Variants in ST6GALNAC5 observed in about 807,000 individuals in gnomAD.
The protein encoded by ST6GALNAC5 is ST6 N-acetylgalactosaminide alpha-2,6-sialyltransferase 5.
ST6GALNAC5 carries 27 observed loss-of-function variants against 33.6 expected under a neutral mutation model. The ratio of observed to expected loss-of-function variants is 0.80; its 90% CI spans 0.59 to 1.11. ST6GALNAC5 has a LOEUF of 1.11. Among genes scored for constraint, ST6GALNAC5 ranks in the 50% least tolerant of loss-of-function variants. The pLI, the probability that ST6GALNAC5 is intolerant of heterozygous loss-of-function variation, is 0.00. For missense variants in ST6GALNAC5, 428 were observed against 454.0 expected, an observed-to-expected ratio of 0.94 and a Z score of 0.52; for synonymous variants, 194 against 171.2, an observed-to-expected ratio of 1.13 and a Z score of -1.04.
intron 2 of ST6GALNAC5, among the ~76,000 whole-genome samples, chr1:76,907,308 C>T (rs182448379): frequency 4.6e-5 from 7 of 152,088 alleles, no homozygotes; most frequent in Admixed American, 2.0e-4. Flanking sequence ...TTACTACTCT[C>T]GCTGATGTGA....
chr1:77,065,379 G>A lies in ST6GALNAC5; in HGVS notation c.*2173G>A, dbSNP rs1652740841. On this transcript the variant is annotated 3_prime_UTR_variant, in exon 5 of 5. Coordinates refer to ENST00000477717, the MANE Select transcript of ST6GALNAC5 (RefSeq NM_030965.3). ...CTTTATTAAAAAAACCATCATGGTA[G>A]CTCCATCTCGTTTGTAACTTCTCCC... 6.6e-6 allele frequency: 1 copy of A among 152,190 alleles called. No homozygotes were observed. The highest frequency in any genetic ancestry group is 6.5e-5 in the Admixed American group (1 of 15,284). The allele number at this position is 152,190 out of a possible 1,614,324, so 9.4% of individuals were successfully genotyped here.
intron 2 of ST6GALNAC5, among the ~76,000 whole-genome samples, chr1:76,968,131 T>C (rs1028782154): frequency 6.6e-6 from 1 of 152,224 alleles, no homozygotes; most frequent in African/African-American, 2.4e-5. Flanking sequence ...AGGTCCTGGA[T>C]ATCCTTGTTA....
chr1:76,971,305 G>A (rs1648747164), intron 2 of ST6GALNAC5, among the ~76,000 whole-genome samples: 1 of 152,150 alleles, frequency 6.6e-6, no homozygotes, highest in Admixed American at 6.6e-5. Context: ...TGGCCGTGAG[G>A]TAGGAACCAG....
At chr1:76,960,685 T>C (rs1648198379) in intron 2 of ST6GALNAC5, among the ~76,000 whole-genome samples, 1 of 152,156 alleles carries the variant, frequency 6.6e-6, no homozygotes, top group African/African-American at 2.4e-5. Flanking sequence ...GGATGCATTC[T>C]CTTTCTCAGG....
At chr1:77,005,522 T>C (rs192936979) in intron 2 of ST6GALNAC5, among the ~76,000 whole-genome samples, 13 of 152,346 alleles carry the variant, frequency 8.5e-5, no homozygotes, top group Admixed American at 5.9e-4. Flanking sequence ...CCTCTCAGGT[T>C]TGGGTTTTTT....
intron 2 of ST6GALNAC5, among the ~76,000 whole-genome samples, chr1:76,951,434 T>C (rs1051680194): frequency 3.3e-5 from 5 of 152,034 alleles, no homozygotes; most frequent in Admixed American, 2.6e-4. Context: ...TTAGAACACA[T>C]GGACACAGGG....
chr1:76,970,816 A>T (rs1648721249), intron 2 of ST6GALNAC5, among the ~76,000 whole-genome samples: 1 of 152,222 alleles, frequency 6.6e-6, no homozygotes, highest in Non-Finnish European at 1.5e-5. Flanking sequence ...TGTTGCATGT[A>T]GCTGGGGTCT....
At chr1:77,010,230 C>T (rs7417794) in intron 2 of ST6GALNAC5, among the ~76,000 whole-genome samples, 52,584 of 152,118 alleles carry the variant, frequency 0.35, 11,114 homozygotes, top group East Asian at 0.49. Flanking sequence ...GGCAGTGGTT[C>T]ACACCTGTAA....
chr1:77,034,264 C>T (rs1037620536), intron 2 of ST6GALNAC5, among the ~76,000 whole-genome samples: 28 of 152,040 alleles, frequency 1.8e-4, no homozygotes, highest in Non-Finnish European at 3.4e-4. Flanking sequence ...TCCTCACCTA[C>T]TAGATGCATC....
intron 2 of ST6GALNAC5, among the ~76,000 whole-genome samples, chr1:76,968,826 C>T (rs1362683248): frequency 3.3e-5 from 5 of 152,156 alleles, no homozygotes; most frequent in Non-Finnish European, 7.3e-5. Flanking sequence ...TTTTATTTCT[C>T]CTTCACTTAT....
At chr1:77,007,019 A>G (rs1006941782) in intron 2 of ST6GALNAC5, among the ~76,000 whole-genome samples, 5 of 152,196 alleles carry the variant, frequency 3.3e-5, no homozygotes, top group Non-Finnish European at 7.3e-5. Context: ...CAAGAGAGCA[A>G]GCTCCAGTGC....
intron 2 of ST6GALNAC5, among the ~76,000 whole-genome samples, chr1:76,918,500 C>T (rs12119415): frequency 6.6e-6 from 1 of 151,494 alleles, no homozygotes; most frequent in Non-Finnish European, 1.5e-5. Flanking sequence ...TGCCTGTAGT[C>T]TCAGCTACTC....
intron 2 of ST6GALNAC5, among the ~76,000 whole-genome samples, chr1:76,991,022 A>T (rs1649703669): frequency 6.6e-6 from 1 of 152,080 alleles, no homozygotes; most frequent in Non-Finnish European, 1.5e-5. Context: ...TAGGGAAAAG[A>T]ATCTCACCCT....
chr1:77,060,871 C>A (rs1396131514), intron 4 of ST6GALNAC5, among the ~76,000 whole-genome samples: 1 of 152,022 alleles, frequency 6.6e-6, no homozygotes, highest in African/African-American at 2.4e-5. Context: ...TTAGATGAAT[C>A]AAATTTAAAG....
rs7547812 is a variant in ST6GALNAC5, at chr1:77,063,216, A to G, written c.*10A>G. 10 of 1,610,858 alleles carry G rather than the reference A, an allele frequency of 6.2e-6. No individual in the cohort carries two copies. In the African/African-American group the frequency reaches 1.1e-4, roughly 17 times the overall value. On this transcript the variant is annotated 3_prime_UTR_variant, in exon 5 of 5. Transcript: ENST00000477717. ...TAAACCTGTGTTCTAAGGAATGAGC[A>G]TGCCAGACTGTAATCCCAGGTATTC...
chr1:77,031,413 A>G (rs1651451142), intron 2 of ST6GALNAC5, among the ~76,000 whole-genome samples: 2 of 152,216 alleles, frequency 1.3e-5, no homozygotes, highest in African/African-American at 2.4e-5. Context: ...TCAGTAAACA[A>G]ACCATCAGCT....
At chr1:77,040,354 T>A (rs1651793290) in intron 2 of ST6GALNAC5, among the ~76,000 whole-genome samples, 1 of 152,256 alleles carries the variant, frequency 6.6e-6, no homozygotes, top group Non-Finnish European at 1.5e-5. Flanking sequence ...GTTTGATGCA[T>A]CTGCACAACT....
At chr1:76,957,805 C>T (rs1157364227) in intron 2 of ST6GALNAC5, among the ~76,000 whole-genome samples, 3 of 152,030 alleles carry the variant, frequency 2.0e-5, no homozygotes, top group Non-Finnish European at 4.4e-5. Flanking sequence ...ATTCATATTT[C>T]CCCATTTTTT....
chr1:76,981,047 C>A (rs575210189), intron 2 of ST6GALNAC5, among the ~76,000 whole-genome samples: 2 of 151,938 alleles, frequency 1.3e-5, no homozygotes, highest in Non-Finnish European at 2.9e-5. Context: ...ATAGGAACAG[C>A]TTCGGTCTGC....
Sources: allele counts gnomAD v4.1 joint callset (sites outside exome capture counted in the v4.1 genomes callset), GRCh38; gene constraint gnomAD v4.1.1; transcripts MANE v1.5; gene names NCBI Gene and HGNC (gene_info 2026-07-23, HGNC 2026-07-21).